The following PTPRT variants were observed in gnomAD, a reference collection of about 807,000 sequenced individuals.
PTPRT encodes protein tyrosine phosphatase receptor type T, also known as receptor-type tyrosine-protein phosphatase T.
In PTPRT, 56 loss-of-function variants were observed where a neutral mutation model predicts 176.8. That is an observed-to-expected ratio of 0.32 (90% confidence interval 0.26 to 0.40). PTPRT has a LOEUF of 0.40. Ranked by LOEUF, PTPRT falls within the 10% of genes least tolerant of loss-of-function variation. The probability of loss-of-function intolerance (pLI) is 1.00; values close to 1 mark genes in which losing one functional copy is unlikely to be tolerated. For missense variants in PTPRT, 1,540 were observed against 1,908.2 expected (o/e 0.81, Z 3.60); for synonymous variants, 783 against 739.0 (o/e 1.06, Z -0.96).
intron 1 of PTPRT, among the ~76,000 whole-genome samples, chr20:42,910,981 C>A (rs2079536453): frequency 6.6e-6 from 1 of 151,976 alleles, no homozygotes; most frequent in Non-Finnish European, 1.5e-5. Flanking sequence ...GGGAAGAGCC[C>A]CTTATAAAAC....
At chr20:42,909,102 C>T (rs747940434) in intron 1 of PTPRT, among the ~76,000 whole-genome samples, 23 of 152,246 alleles carry the variant, frequency 1.5e-4, no homozygotes, top group Admixed American at 3.3e-4. Context: ...CCTCAGTGAG[C>T]GATGATCTTG....
At chr20:43,124,004 C>A (rs2013358092) in intron 1 of PTPRT, among the ~76,000 whole-genome samples, 1 of 152,166 alleles carries the variant, frequency 6.6e-6, no homozygotes, top group African/African-American at 2.4e-5. Flanking sequence ...TTCCGACAAA[C>A]AAAGGAATTT....
intron 2 of PTPRT, among the ~76,000 whole-genome samples, chr20:42,800,070 A>G (rs2077508166): frequency 6.6e-6 from 1 of 152,224 alleles, no homozygotes; most frequent in Non-Finnish European, 1.5e-5. Context: ...ACAACAGCCA[A>G]CACATACCAT....
intron 1 of PTPRT, among the ~76,000 whole-genome samples, chr20:42,932,037 C>T (rs1264190448): frequency 2.6e-5 from 4 of 152,206 alleles, no homozygotes; most frequent in African/African-American, 9.7e-5. Flanking sequence ...ATGCCACACA[C>T]GGGCCTGGCT....
At chr20:42,119,437 T>G (rs1183836096) in intron 20 of PTPRT, among the ~76,000 whole-genome samples, 1 of 152,240 alleles carries the variant, frequency 6.6e-6, no homozygotes, top group Non-Finnish European at 1.5e-5. Flanking sequence ...TATATATAAT[T>G]ATCTGCAGGA....
intron 13 of PTPRT, among the ~76,000 whole-genome samples, chr20:42,268,499 C>A (rs1207491816): frequency 6.6e-6 from 1 of 152,192 alleles, no homozygotes; most frequent in East Asian, 1.9e-4. Context: ...ACGAGAGTCA[C>A]TTTTCTCCCA....
chr20:42,472,643 A>C, intron 7 of PTPRT, 81 bp from the exon 8 acceptor site: 1 of 1,408,512 alleles, frequency 7.1e-7, no homozygotes, highest in Admixed American at 2.1e-5. Flanking sequence ...ACAACAGGGA[A>C]CACAGCTTTT....
chr20:42,717,022 A>T (rs1414621937), intron 6 of PTPRT, among the ~76,000 whole-genome samples: 1 of 119,528 alleles, frequency 8.4e-6, no homozygotes, highest in East Asian at 2.7e-4. Context: ...AACATCACAC[A>T]CCAGGGCCTG....
intron 16 of PTPRT, among the ~76,000 whole-genome samples, chr20:42,187,728 C>T (rs956885741): frequency 2.0e-5 from 3 of 152,254 alleles, no homozygotes; most frequent in Non-Finnish European, 2.9e-5. Context: ...CTCCTTCACA[C>T]ATTCTGAGTT....
chr20:42,068,585 C>T (rs1048569946), downstream of PTPRT, among the ~76,000 whole-genome samples: 1 of 152,192 alleles, frequency 6.6e-6, no homozygotes. Flanking sequence ...TGAGTGAGTA[C>T]AGACCATCTG....
At chr20:42,975,311 A>T (rs1982885327) in intron 1 of PTPRT, among the ~76,000 whole-genome samples, 2 of 152,346 alleles carry the variant, frequency 1.3e-5, no homozygotes, top group African/African-American at 4.8e-5. Context: ...GGCAAGACAC[A>T]TGATAATATT....
intron 2 of PTPRT, among the ~76,000 whole-genome samples, chr20:42,865,693 C>T: frequency 6.6e-6 from 1 of 152,118 alleles, no homozygotes; most frequent in East Asian, 1.9e-4. Flanking sequence ...GCAGTGATGA[C>T]AAGGGGATGG....
chr20:42,899,461 G>T (rs2079362595), intron 1 of PTPRT, among the ~76,000 whole-genome samples: 1 of 152,234 alleles, frequency 6.6e-6, no homozygotes, highest in Non-Finnish European at 1.5e-5. Context: ...TGATGTGGCT[G>T]TCTCTGGGCA....
At chr20:43,173,021 C>T (rs185710510) in intron 1 of PTPRT, among the ~76,000 whole-genome samples, 4 of 152,122 alleles carry the variant, frequency 2.6e-5, no homozygotes, top group East Asian at 1.9e-4. Flanking sequence ...TACAGGCATG[C>T]GCCACCAGAC....
chr20:42,177,537 G>C (rs1263578938), intron 16 of PTPRT, among the ~76,000 whole-genome samples: 2 of 152,162 alleles, frequency 1.3e-5, no homozygotes, highest in Non-Finnish European at 2.9e-5. Context: ...CTGATCCTCA[G>C]GTGCTGAATT....
intron 6 of PTPRT, among the ~76,000 whole-genome samples, chr20:42,708,996 G>A (rs1426044726): frequency 6.6e-6 from 1 of 152,218 alleles, no homozygotes. Context: ...GAGGCTGCCA[G>A]GTGGAGGTGT....
At chr20:42,939,677 A>C (rs1600575853) in intron 1 of PTPRT, among the ~76,000 whole-genome samples, 1 of 151,850 alleles carries the variant, frequency 6.6e-6, no homozygotes, top group East Asian at 1.9e-4. Flanking sequence ...GCAGTGACTC[A>C]AACAAGGTTT....
chr20:42,866,663 G>A (rs147027616), intron 2 of PTPRT, among the ~76,000 whole-genome samples: 1,682 of 152,244 alleles, frequency 0.011, 12 homozygotes, highest in Middle Eastern at 0.017. Flanking sequence ...CATCCTTCAA[G>A]TTGTGGCCCC....
At chr20:42,228,907 G>A (rs1405848673) in intron 15 of PTPRT, among the ~76,000 whole-genome samples, 1 of 152,200 alleles carries the variant, frequency 6.6e-6, no homozygotes, top group African/African-American at 2.4e-5. Flanking sequence ...GAATTAGTAA[G>A]TCAATGGGTG....
Sources: gnomAD v4.1 joint callset for allele counts (sites outside exome capture counted in the v4.1 genomes callset) on GRCh38, gnomAD v4.1.1 for gene constraint, MANE v1.5 for transcripts, NCBI Gene and HGNC (gene_info 2026-07-23, HGNC 2026-07-21) for gene names.